Variants in CTNNA3 observed in about 807,000 individuals in gnomAD.
CTNNA3 encodes the protein catenin alpha-3.
A neutral mutation model predicts 95.7 loss-of-function variants in CTNNA3; 76 were observed. The observed-to-expected ratio is 0.79, with a 90% CI of 0.66 to 0.96. The LOEUF is 0.96. CTNNA3 is among the 40% of genes least tolerant of loss of function. The pLI is 0.00. For missense variants in CTNNA3, 1,191 were observed against 1,089.8 expected, an observed-to-expected ratio of 1.09 and a Z score of -1.31; for synonymous variants, 431 against 374.4, an observed-to-expected ratio of 1.15 and a Z score of -1.74.
At chr10:66,852,436 A>T (rs2132385420) in intron 7 of CTNNA3, among the ~76,000 whole-genome samples, 1 of 152,304 alleles carries the variant, frequency 6.6e-6, no homozygotes, top group East Asian at 1.9e-4. Flanking sequence ...TTGTGTTCAG[A>T]AATATATTCA....
intron 7 of CTNNA3, among the ~76,000 whole-genome samples, chr10:67,090,680 A>G (rs745522258): frequency 6.6e-6 from 1 of 152,108 alleles, no homozygotes; most frequent in Non-Finnish European, 1.5e-5. Flanking sequence ...CCTGTGCTAC[A>G]TAGTAAATGC....
chr10:65,974,117 G>A (rs1222571015), intron 16 of CTNNA3, among the ~76,000 whole-genome samples: 2 of 152,122 alleles, frequency 1.3e-5, no homozygotes, highest in East Asian at 3.9e-4. Context: ...GTGGAGAAAA[G>A]GGAACACTTT....
chr10:67,714,792 TG>T (rs1273662234), intron 1 of CTNNA3, among the ~76,000 whole-genome samples: 4 of 152,310 alleles, frequency 2.6e-5, no homozygotes, highest in Admixed American at 2.6e-4. Flanking sequence ...AACTGAATCA[TG>T]GGGACAGGTC....
At chr10:66,735,818 T>C (rs756648444) in intron 9 of CTNNA3, among the ~76,000 whole-genome samples, 1 of 152,132 alleles carries the variant, frequency 6.6e-6, no homozygotes, top group Non-Finnish European at 1.5e-5. Flanking sequence ...GTGGGCAGAG[T>C]AAATTCCTTG....
At chr10:66,484,785 A>T (rs1839668693) in intron 11 of CTNNA3, among the ~76,000 whole-genome samples, 1 of 152,072 alleles carries the variant, frequency 6.6e-6, no homozygotes, top group Non-Finnish European at 1.5e-5. Context: ...AGAAAAAAAC[A>T]TATATAGGCC....
At chr10:67,239,960 C>A (rs569598726) in intron 5 of CTNNA3, among the ~76,000 whole-genome samples, 101 of 152,326 alleles carry the variant, frequency 6.6e-4, no homozygotes, top group African/African-American at 2.2e-3. Flanking sequence ...TTCACAGCAA[C>A]TGATTCCATG....
intron 7 of CTNNA3, among the ~76,000 whole-genome samples, chr10:67,073,928 T>G (rs1856595883): frequency 6.6e-6 from 1 of 152,136 alleles, no homozygotes; most frequent in Non-Finnish European, 1.5e-5. Flanking sequence ...AATAACAAAA[T>G]GTAACTAATA....
chr10:67,726,305 C>A (rs1460872518), intron 1 of CTNNA3, among the ~76,000 whole-genome samples: 2 of 56,208 alleles, frequency 3.6e-5, no homozygotes, highest in African/African-American at 8.0e-5. Context: ...ATGATATTAT[C>A]TTACATATTA....
chr10:67,206,457 G>C (rs759439068), intron 6 of CTNNA3, among the ~76,000 whole-genome samples: 4 of 151,944 alleles, frequency 2.6e-5, no homozygotes, highest in African/African-American at 4.8e-5. Flanking sequence ...GGAGATTACT[G>C]TATCATTTAA....
At chr10:66,606,839 A>G (rs1455656129) in intron 10 of CTNNA3, among the ~76,000 whole-genome samples, 1 of 152,152 alleles carries the variant, frequency 6.6e-6, no homozygotes, top group Non-Finnish European at 1.5e-5. Flanking sequence ...TCTCAAGTTA[A>G]CAACCTAACA....
chr10:66,970,481 C>T (rs1339575257), intron 7 of CTNNA3, among the ~76,000 whole-genome samples: 1 of 136,648 alleles, frequency 7.3e-6, no homozygotes, highest in Non-Finnish European at 1.6e-5. Flanking sequence ...AAATACTCCA[C>T]AAAAGGTCTA....
chr10:67,738,185 A>G (rs953944865), intron 1 of CTNNA3, among the ~76,000 whole-genome samples: 1 of 152,158 alleles, frequency 6.6e-6, no homozygotes, highest in Admixed American at 6.5e-5. Flanking sequence ...GCCGAAAGAC[A>G]CCTCATACAG....
intron 7 of CTNNA3, among the ~76,000 whole-genome samples, chr10:66,943,255 G>A (rs1416842071): frequency 6.6e-6 from 1 of 152,164 alleles, no homozygotes; most frequent in African/African-American, 2.4e-5. Context: ...TAGATATTTA[G>A]CATAAACCTC....
chr10:67,465,840 A>AT (rs1554840473), intron 5 of CTNNA3, among the ~76,000 whole-genome samples: 1 of 152,132 alleles, frequency 6.6e-6, no homozygotes, highest in Non-Finnish European at 1.5e-5. Flanking sequence ...GCATTTAGTT[A>AT]TTTTCCCCCA....
rs749513883 is a variant in CTNNA3 at position 65,943,068 on chromosome 10, C to CTTT, written c.2401-22454_2401-22452dup. Among the ~76,000 whole-genome samples the CTTT allele has an allele frequency of 1.1e-3, 151 of 142,136 alleles. 3 individuals carry two copies. In the South Asian group the frequency reaches 0.018, roughly 17 times the overall value. The allele number at this position is 142,136 out of a possible 152,430, so 93.2% of individuals were successfully genotyped here. A position where few individuals can be genotyped will look rare whatever the true frequency, so the allele number is the denominator to read the frequency against. On this transcript the variant is annotated intron_variant, in intron 17 of 17. Transcript: ENST00000433211. ...AATAGTTATGTCTTTTTTTCTTTTT[C>CTTT]TTTTTTTTTTTTTGAGACGGAGTCT...
At chr10:65,988,104 T>G (rs540767080) in intron 16 of CTNNA3, among the ~76,000 whole-genome samples, 1 of 152,192 alleles carries the variant, frequency 6.6e-6, no homozygotes, top group East Asian at 1.9e-4. Context: ...AGGAATAAAT[T>G]GTAGTCTTCT....
chr10:66,776,241 C>A (rs1840293734), intron 7 of CTNNA3, among the ~76,000 whole-genome samples: 1 of 152,128 alleles, frequency 6.6e-6, no homozygotes, highest in African/African-American at 2.4e-5. Flanking sequence ...TCTAATCATA[C>A]TTTTTGCAGT....
chr10:66,057,587 A>C (rs1589304325), intron 15 of CTNNA3, among the ~76,000 whole-genome samples: 1 of 152,176 alleles, frequency 6.6e-6, no homozygotes, highest in East Asian at 1.9e-4. Flanking sequence ...CATCAGCATT[A>C]CTAAATAGTT....
intron 10 of CTNNA3, among the ~76,000 whole-genome samples, chr10:66,551,156 G>A (rs1842203596): frequency 6.6e-6 from 1 of 152,080 alleles, no homozygotes; most frequent in Non-Finnish European, 1.5e-5. Context: ...GTTAGCCAAT[G>A]TTCGGGGCAG....
Sources: gnomAD v4.1 joint callset for allele counts (sites outside exome capture counted in the v4.1 genomes callset) on GRCh38, gnomAD v4.1.1 for gene constraint, MANE v1.5 for transcripts, NCBI Gene and HGNC (gene_info 2026-07-23, HGNC 2026-07-21) for gene names.